The following TNN variants were observed in gnomAD, a reference collection of about 807,000 sequenced individuals.
The protein encoded by TNN is tenascin N.
A neutral mutation model predicts 134.4 loss-of-function variants in TNN; 122 were observed. The observed-to-expected ratio is 0.91, with a 90% CI of 0.78 to 1.06. The LOEUF is 1.06. Among genes scored for constraint, TNN ranks in the 50% least tolerant of loss-of-function variants. TNN has a pLI of 0.00. For synonymous variants in TNN, 710 were observed against 670.3 expected (o/e 1.06, Z -0.91); for missense variants, 1,739 against 1,699.4 (o/e 1.02, Z -0.41).
intron 9 of TNN, among the ~76,000 whole-genome samples, chr1:175,109,072 ATTTTT>A (rs1160268455): frequency 3.1e-4 from 19 of 61,976 alleles, no homozygotes; most frequent in South Asian, 1.1e-3. Context: ...ATCTAACTGT[ATTTTT>A]TTTTTTTTTT....
intron 7 of TNN, 122 bp downstream of exon 7, chr1:175,094,375 T>G: frequency 1.1e-6 from 1 of 936,070 alleles, no homozygotes. Context: ...GGGAGGAGGT[T>G]GCAAAACCAA....
intron 1 of TNN, among the ~76,000 whole-genome samples, chr1:175,076,918 A>G (rs964507278): frequency 6.6e-6 from 1 of 152,234 alleles, no homozygotes; most frequent in Non-Finnish European, 1.5e-5. Flanking sequence ...AATTGTGAGA[A>G]TGGAATGAGT....
intron 1 of TNN, among the ~76,000 whole-genome samples, chr1:175,069,919 A>T (rs529677489): frequency 6.6e-6 from 1 of 152,378 alleles, no homozygotes; most frequent in South Asian, 2.1e-4. Flanking sequence ...CACGTTAGCT[A>T]AAGAAAGAAA....
Position 175,147,363 on chromosome 1 carries a change from A to G in TNN, c.*292A>G, listed in dbSNP as rs1270915925. 1 of 284,868 alleles carries G rather than the reference A, an allele frequency of 3.5e-6. No individual in the cohort carries two copies. The highest frequency in any genetic ancestry group is 6.5e-6 in the Non-Finnish European group (1 of 154,866). 17.6% of individuals were successfully genotyped at this position (284,868 alleles called of 1,614,324 possible). A position where few individuals can be genotyped will look rare whatever the true frequency, so the allele number is the denominator to read the frequency against. On this transcript the variant is annotated 3_prime_UTR_variant, in exon 19 of 19. Coordinates refer to ENST00000239462, the MANE Select transcript of TNN (RefSeq NM_022093.2). ...CATATATACTGGATTAGGGCAAGAGAAGGAATCACCCAGCACTTCACCAGT... is the reference window on the plus strand; with the variant it reads ...CATATATACTGGATTAGGGCAAGAGGAGGAATCACCCAGCACTTCACCAGT...
chr1:175,139,300 C>G (rs191799777), intron 17 of TNN, among the ~76,000 whole-genome samples: 11 of 152,298 alleles, frequency 7.2e-5, no homozygotes, highest in Middle Eastern at 3.4e-3. Flanking sequence ...AAAACATAAG[C>G]ACATTGTGCA....
chr1:175,127,715 C>T (rs571032644), intron 13 of TNN, among the ~76,000 whole-genome samples: 1 of 152,308 alleles, frequency 6.6e-6, no homozygotes, highest in Admixed American at 6.5e-5. Flanking sequence ...GGCAATGTAG[C>T]CACTATAGTT....
At chr1:175,116,877 C>A (rs966911007) in intron 9 of TNN, 62 bp from the exon 10 acceptor site, 1 of 1,609,784 alleles carries the variant, frequency 6.2e-7, no homozygotes, top group African/African-American at 1.3e-5. Flanking sequence ...AAGTAAAATG[C>A]CCAGATCTCA....
At chr1:175,118,475 G>C in intron 10 of TNN, 86 bp from the exon 11 acceptor site, 1 of 1,509,540 alleles carries the variant, frequency 6.6e-7, no homozygotes, top group African/African-American at 1.4e-5. Flanking sequence ...CAACATGAAA[G>C]GGTTTCACCC....
At chr1:175,081,065 G>T (rs189298762) in intron 4 of TNN, among the ~76,000 whole-genome samples, 1 of 152,202 alleles carries the variant, frequency 6.6e-6, no homozygotes, top group Non-Finnish European at 1.5e-5. Flanking sequence ...AAAGAATTCT[G>T]TCTCCTGCCC....
chr1:175,107,604 C>T (rs1400055804), intron 9 of TNN, among the ~76,000 whole-genome samples: 14 of 145,104 alleles, frequency 9.6e-5, no homozygotes, highest in African/African-American at 2.5e-4. Context: ...TTGCAAAGAG[C>T]GAAAGAACAA....
chr1:175,107,085 G>T lies in TNN; in HGVS notation c.2119+8490G>T, dbSNP rs950499622. Among the ~76,000 whole-genome samples the T allele has an allele frequency of 2.7e-5, 4 of 146,456 alleles. 1 individual carries two copies. Among genetic ancestry groups the T allele is most frequent in the Non-Finnish European group, 6.1e-5 (4 of 65,956 alleles). ...TCTCACCGCTTGGCGATATGCGAAAGTCCCTTCGTGGTCGCCAAAATGTGT... is the reference window on the plus strand; with the variant it reads ...TCTCACCGCTTGGCGATATGCGAAATTCCCTTCGTGGTCGCCAAAATGTGT... On this transcript the variant is annotated intron_variant, in intron 9 of 18. Coordinates refer to ENST00000239462, the MANE Select transcript of TNN (RefSeq NM_022093.2).
chr1:175,136,725 G>A (rs1675820453), intron 16 of TNN, 96 bp from the exon 17 acceptor site: 2 of 1,181,040 alleles, frequency 1.7e-6, no homozygotes, highest in Non-Finnish European at 1.2e-6. Context: ...AAAGACTAAA[G>A]TGACTTTAGG....
chr1:175,084,517 C>G (rs1365766147), intron 5 of TNN, among the ~76,000 whole-genome samples: 1 of 152,188 alleles, frequency 6.6e-6, no homozygotes, highest in African/African-American at 2.4e-5. Flanking sequence ...GAAGTCTGTA[C>G]AATTCCAGGG....
rs781077042 is a variant in TNN, at chr1:175,085,466, C to G, written c.1296C>G (p.Gly432=). The G allele has an allele frequency of 2.5e-6, 4 of 1,607,276 alleles. No homozygotes were observed. In the African/African-American group the frequency reaches 5.4e-5, roughly 22 times the overall value. Residue 432 remains glycine, a synonymous_variant, in exon 6 of 19, where the codon GGC becomes GGG. Transcript: ENST00000239462. ...TVVPMRGELE[G]KPILLNGRTE... ...TGCCCATGAGAGGAGAGCTGGAGGG[C>G]AAGCCGATCCTCCTGAATGGCAGGA...
chr1:175,110,015 C>G (rs112672580), intron 9 of TNN, among the ~76,000 whole-genome samples: 3,675 of 152,188 alleles, frequency 0.024, 139 homozygotes, highest in African/African-American at 0.084. Flanking sequence ...TCACCAGTAC[C>G]TGTTATTGTT....
chr1:175,117,246 C>G (rs1310474350), intron 10 of TNN, 41 bp downstream of exon 10: 3 of 1,600,278 alleles, frequency 1.9e-6, no homozygotes, highest in Non-Finnish European at 2.5e-6. Context: ...AGCTTTCATG[C>G]TAAGTCAGTG....
At chr1:175,071,711 T>C (rs986490288) in intron 1 of TNN, among the ~76,000 whole-genome samples, 8 of 152,214 alleles carry the variant, frequency 5.3e-5, no homozygotes, top group Admixed American at 4.6e-4. Context: ...CTGCTGCTTT[T>C]TAGCTGTGTG....
Position 175,079,461 on chromosome 1 carries a change from C to A in TNN, c.538C>A (p.Arg180Ser). 1 of 1,568,294 alleles carries A rather than the reference C, an allele frequency of 6.4e-7. No homozygotes were observed. The highest frequency in any genetic ancestry group is 8.6e-7 in the Non-Finnish European group (1 of 1,159,676). Residue 180 changes from arginine to serine, a missense_variant, in exon 3 of 19, where the codon CGT becomes AGT. Arg to Ser is a moderately radical substitution (Grantham distance 110). Coordinates refer to ENST00000239462, the MANE Select transcript of TNN (RefSeq NM_022093.2). ...CCCCGGGGCGTGCAGCGGCCACGGG[C>A]GTTGCGTGGACGGGCGCTGCCTGTG... is the stretch of plus-strand genomic sequence containing the variant. ...ACPGACSGHG[R>S]CVDGRCLCHE...
chr1:175,109,383 C>T lies in TNN; in HGVS notation c.2120-7556C>T, dbSNP rs183250382. Among the ~76,000 whole-genome samples, 188 of 151,898 alleles carry T rather than the reference C, an allele frequency of 1.2e-3. 1 individual carries two copies. The highest frequency in any genetic ancestry group is 8.4e-3 in the Admixed American group (128 of 15,264). On this transcript the variant is annotated intron_variant, in intron 9 of 18. Transcript: ENST00000239462. Reference sequence around the variant, plus strand: ...GATTACAGGCGTGAGCCACCGGGCCCGGCCTATCTAACTGTATTTTTAAAC... The same window carrying T: ...GATTACAGGCGTGAGCCACCGGGCCTGGCCTATCTAACTGTATTTTTAAAC...
Sources: allele counts gnomAD v4.1 joint callset (sites outside exome capture counted in the v4.1 genomes callset), GRCh38; gene constraint gnomAD v4.1.1; transcripts MANE v1.5; gene names NCBI Gene and HGNC (gene_info 2026-07-23, HGNC 2026-07-21).